The following KIAA1217 variants were observed in gnomAD, a reference collection of about 807,000 sequenced individuals.
KIAA1217 encodes the protein KIAA1217.
In KIAA1217, 88 loss-of-function variants were observed where a neutral mutation model predicts 163.9. The observed-to-expected ratio is 0.54, with a 90% CI of 0.45 to 0.64. KIAA1217 has a LOEUF of 0.64. Among genes scored for constraint, KIAA1217 ranks in the 30% least tolerant of loss-of-function variants. The pLI is 0.00. For missense variants in KIAA1217, 2,372 were observed against 2,475.0 expected (o/e 0.96, Z 0.88); for synonymous variants, 903 against 923.1 (o/e 0.98, Z 0.39).
chr10:24,123,433 C>T (rs1486328464), intron 2 of KIAA1217, among the ~76,000 whole-genome samples: 2 of 151,944 alleles, frequency 1.3e-5, no homozygotes, highest in Non-Finnish European at 2.9e-5. Context: ...TGCAGTTTTG[C>T]CATTACAACC....
chr10:23,978,071 A>G (rs57364283), intron 1 of KIAA1217, among the ~76,000 whole-genome samples: 5,600 of 152,276 alleles, frequency 0.037, 335 homozygotes, highest in African/African-American at 0.13. Context: ...CATTTTCTTT[A>G]AACATGACTG....
Position 23,860,529 on chromosome 10 carries a change from T to C in KIAA1217, c.-320-146696T>C, listed in dbSNP as rs1222459633. ...GTCAGAACATATATTTTAAAATAAA[T>C]AGGTTAAAAAACAGACTTTGGAGTT... On this transcript the variant is annotated intron_variant, in intron 1 of 18. Coordinates refer to the KIAA1217 transcript ENST00000376462. Among the ~76,000 whole-genome samples the C allele has an allele frequency of 2.0e-5, 3 of 152,180 alleles. No individual in the cohort carries two copies. The South Asian group carries it at 6.2e-4, about 31-fold the overall frequency.
intron 7 of KIAA1217, chr10:24,494,885 C>G: frequency 1.7e-6 from 1 of 576,178 alleles, no homozygotes; most frequent in East Asian, 2.9e-5. Flanking sequence ...CCGTGCAGTG[C>G]CTGCAACCAC....
At chr10:24,358,450 C>T (rs2049417024) in intron 2 of KIAA1217, among the ~76,000 whole-genome samples, 1 of 152,152 alleles carries the variant, frequency 6.6e-6, no homozygotes, top group Non-Finnish European at 1.5e-5. Context: ...TAGGAAAGAA[C>T]TCTGAGATTT....
At chr10:23,856,172 T>C (rs1305709992) in intron 1 of KIAA1217, among the ~76,000 whole-genome samples, 1 of 152,220 alleles carries the variant, frequency 6.6e-6, no homozygotes, top group Non-Finnish European at 1.5e-5. Context: ...ATGATGGTGA[T>C]GTACAGATGG....
At chr10:23,982,886 C>T (rs1845830922) in intron 1 of KIAA1217, among the ~76,000 whole-genome samples, 1 of 151,992 alleles carries the variant, frequency 6.6e-6, no homozygotes, top group Admixed American at 6.6e-5. Flanking sequence ...TTGTAGCAAA[C>T]AACTCAAATA....
intron 1 of KIAA1217, among the ~76,000 whole-genome samples, chr10:23,949,096 C>T (rs2131350611): frequency 6.6e-6 from 1 of 152,258 alleles, no homozygotes; most frequent in African/African-American, 2.4e-5. Flanking sequence ...GAGAAGATTC[C>T]TTACTGACCT....
intron 1 of KIAA1217, among the ~76,000 whole-genome samples, chr10:23,706,285 C>G (rs151044544): frequency 6.6e-6 from 1 of 152,040 alleles, no homozygotes; most frequent in African/African-American, 2.4e-5. Flanking sequence ...TAATTGTCCT[C>G]GCTAGGTCCT....
intron 1 of KIAA1217, among the ~76,000 whole-genome samples, chr10:23,697,289 C>G (rs1836110225): frequency 6.6e-6 from 1 of 152,184 alleles, no homozygotes; most frequent in African/African-American, 2.4e-5. Flanking sequence ...CTTCACGTAT[C>G]TAATAATATT....
intron 1 of KIAA1217, among the ~76,000 whole-genome samples, chr10:23,913,165 G>A (rs1363139368): frequency 6.6e-6 from 1 of 152,156 alleles, no homozygotes; most frequent in Non-Finnish European, 1.5e-5. Flanking sequence ...AGTCTTAATG[G>A]AGACCTTGCT....
At chr10:24,072,628 A>C (rs574775805) in intron 2 of KIAA1217, among the ~76,000 whole-genome samples, 45 of 152,170 alleles carry the variant, frequency 3.0e-4, no homozygotes, top group Non-Finnish European at 2.8e-4. Context: ...TAAGTCCTTC[A>C]AAGCTCAAAT....
intron 2 of KIAA1217, chr10:24,255,527 G>A (rs1454000498): frequency 4.4e-6 from 2 of 455,816 alleles, no homozygotes; most frequent in East Asian, 1.4e-4. Flanking sequence ...CTGTAGAAGG[G>A]CCAAAGAAGA....
At chr10:24,261,081 C>T (rs1051232998) in intron 2 of KIAA1217, among the ~76,000 whole-genome samples, 11 of 152,046 alleles carry the variant, frequency 7.2e-5, no homozygotes, top group South Asian at 4.2e-4. Flanking sequence ...AGGTACTTCA[C>T]GTATTAATAC....
At chr10:23,850,961 A>T (rs912752840) in intron 1 of KIAA1217, among the ~76,000 whole-genome samples, 1 of 152,096 alleles carries the variant, frequency 6.6e-6, no homozygotes, top group Non-Finnish European at 1.5e-5. Flanking sequence ...ATCCACCCCC[A>T]TGATCCAGTC....
rs184859878 is a variant in KIAA1217, at chr10:24,230,786, C to T, written c.354+10877C>T. 5.3e-5 allele frequency among the ~76,000 whole-genome samples: 8 copies of T among 152,198 alleles called. No homozygotes were observed. The East Asian group carries it at 1.5e-3, about 29-fold the overall frequency. On this transcript the variant is annotated intron_variant, in intron 2 of 20. Coordinates refer to ENST00000376454, the MANE Select transcript of KIAA1217 (RefSeq NM_019590.5). ...CCTCAAGTGATCCACCCACCTTGGCCTCCCAAAGTGCTGGGATTACAGGTG... is the reference window on the plus strand; with the variant it reads ...CCTCAAGTGATCCACCCACCTTGGCTTCCCAAAGTGCTGGGATTACAGGTG...
chr10:23,704,312 A>G (rs573743516), intron 1 of KIAA1217, among the ~76,000 whole-genome samples: 4 of 148,562 alleles, frequency 2.7e-5, no homozygotes, highest in African/African-American at 9.9e-5. Context: ...TAATTCTTAT[A>G]GTGTACAATT....
chr10:24,048,729 C>G (rs911800255), intron 2 of KIAA1217, among the ~76,000 whole-genome samples: 3 of 127,896 alleles, frequency 2.3e-5, no homozygotes, highest in African/African-American at 9.4e-5. Context: ...GACTCTGTCT[C>G]AAAAAAAAAA....
intron 2 of KIAA1217, among the ~76,000 whole-genome samples, chr10:24,237,845 T>C (rs1197300675): frequency 6.6e-6 from 1 of 152,206 alleles, no homozygotes; most frequent in Non-Finnish European, 1.5e-5. Context: ...GGCTGCGGTA[T>C]TAAACCAAGG....
At chr10:23,770,569 G>A (rs1834748337) in intron 1 of KIAA1217, among the ~76,000 whole-genome samples, 2 of 152,172 alleles carry the variant, frequency 1.3e-5, no homozygotes, top group Non-Finnish European at 1.5e-5. Context: ...CCTGAGGATG[G>A]AGAAGACCCT....
Sources: gnomAD v4.1 joint callset for allele counts (sites outside exome capture counted in the v4.1 genomes callset) on GRCh38, gnomAD v4.1.1 for gene constraint, MANE v1.5 for transcripts, NCBI Gene and HGNC (gene_info 2026-07-23, HGNC 2026-07-21) for gene names.